Variants in SLC39A11 observed in about 807,000 individuals in gnomAD.
SLC39A11 encodes zinc transporter ZIP11.
A neutral mutation model predicts 36.1 loss-of-function variants in SLC39A11; 33 were observed. That is an observed-to-expected ratio of 0.91 (90% CI 0.69 to 1.22). The LOEUF is 1.22. Ranked by LOEUF, SLC39A11 falls within the 50% of genes most tolerant of loss-of-function variation. The pLI is 0.00. For synonymous variants in SLC39A11, 166 were observed against 170.3 expected, an observed-to-expected ratio of 0.97 and a Z score of 0.20; for missense variants, 432 against 430.3, an observed-to-expected ratio of 1.00 and a Z score of -0.03.
At chr17:72,929,093 C>A (rs2084228115) in intron 5 of SLC39A11, among the ~76,000 whole-genome samples, 1 of 152,108 alleles carries the variant, frequency 6.6e-6, no homozygotes, top group Non-Finnish European at 1.5e-5. Context: ...TCTACACAGA[C>A]CCAGCCTGGC....
chr17:72,657,431 A>G (rs1256884708), intron 7 of SLC39A11, among the ~76,000 whole-genome samples: 1 of 152,236 alleles, frequency 6.6e-6, no homozygotes, highest in African/African-American at 2.4e-5. Context: ...GCAGAGATGG[A>G]AGAGAGAATG....
At chr17:73,087,568 A>C (rs2060774827) in intron 2 of SLC39A11, among the ~76,000 whole-genome samples, 1 of 152,116 alleles carries the variant, frequency 6.6e-6, no homozygotes. Context: ...AAAAGAATGC[A>C]ATTTCAGGTA....
At position 72,959,323 on chromosome 17, in the gene SLC39A11, GTGTATATATATATATATATA is replaced by G. The variant is rs1349493037; in HGVS notation, c.307-11468_307-11449del. 5.3e-4 allele frequency among the ~76,000 whole-genome samples: 43 copies of G among 81,460 alleles called. 1 individual carries two copies. Among genetic ancestry groups the G allele is most frequent in the Admixed American group, 1.1e-3 (8 of 7,252 alleles). 53.4% of individuals were successfully genotyped at this position (81,460 alleles called of 152,430 possible). A position where few individuals can be genotyped will look rare whatever the true frequency, so the allele number is the denominator to read the frequency against. ...AACTGGTGTATGTATGTGTGTGTGT[GTGTATATATATATATATATA>G]TATATATATATATATATATATATGA... On this transcript the variant is annotated intron_variant, in intron 4 of 9. Transcript: ENST00000255559.
chr17:72,903,607 G>A (rs1008000428), intron 5 of SLC39A11, among the ~76,000 whole-genome samples: 5 of 152,232 alleles, frequency 3.3e-5, no homozygotes, highest in South Asian at 4.1e-4. Flanking sequence ...GTAATGAGCA[G>A]ACACAAAGTC....
chr17:72,751,121 G>A (rs569004900), intron 6 of SLC39A11, among the ~76,000 whole-genome samples: 5 of 152,230 alleles, frequency 3.3e-5, no homozygotes, highest in South Asian at 2.1e-4. Flanking sequence ...GGTGGTGGGC[G>A]CTTGTAATCC....
chr17:72,962,677 C>T (rs1456285743), intron 4 of SLC39A11, among the ~76,000 whole-genome samples: 1 of 152,102 alleles, frequency 6.6e-6, no homozygotes, highest in Admixed American at 6.6e-5. Flanking sequence ...GCTGGGACTA[C>T]AGGCACACGC....
intron 4 of SLC39A11, among the ~76,000 whole-genome samples, chr17:73,018,484 G>T (rs1196210251): frequency 6.6e-6 from 1 of 152,048 alleles, no homozygotes; most frequent in Non-Finnish European, 1.5e-5. Flanking sequence ...GGCAGCAGAG[G>T]TTGAAGTGAG....
chr17:72,918,745 AG>A (rs2083470473), intron 5 of SLC39A11, among the ~76,000 whole-genome samples: 1 of 152,184 alleles, frequency 6.6e-6, no homozygotes, highest in Non-Finnish European at 1.5e-5. Flanking sequence ...ACCCAAAGAA[AG>A]AAGGGCCCCC....
intron 6 of SLC39A11, among the ~76,000 whole-genome samples, chr17:72,849,121 G>A (rs2079180740): frequency 6.6e-6 from 1 of 152,182 alleles, no homozygotes; most frequent in Admixed American, 6.5e-5. Context: ...TTAAGTGGAA[G>A]TGAGTCATCA....
At chr17:73,035,476 C>A (rs148500488) in intron 3 of SLC39A11, among the ~76,000 whole-genome samples, 3 of 152,068 alleles carry the variant, frequency 2.0e-5, no homozygotes, top group Non-Finnish European at 2.9e-5. Context: ...GTAGAAAAGA[C>A]GACTGTATCC....
At chr17:73,085,566 C>G (rs1186064313) in intron 2 of SLC39A11, among the ~76,000 whole-genome samples, 1 of 144,386 alleles carries the variant, frequency 6.9e-6, no homozygotes, top group African/African-American at 2.6e-5. Context: ...CCCTTGAACT[C>G]GGGAGGCAGA....
chr17:72,740,298 C>T (rs1355080416), intron 6 of SLC39A11, among the ~76,000 whole-genome samples: 1 of 152,058 alleles, frequency 6.6e-6, no homozygotes, highest in Admixed American at 6.5e-5. Context: ...ATCTCCTGAC[C>T]TCGTGATCTG....
chr17:72,969,180 C>T (rs1287489914), intron 4 of SLC39A11, among the ~76,000 whole-genome samples: 1 of 152,118 alleles, frequency 6.6e-6, no homozygotes, highest in African/African-American at 2.4e-5. Context: ...AACATGATGG[C>T]CCAGGCCTAG....
intron 4 of SLC39A11, among the ~76,000 whole-genome samples, chr17:72,982,850 G>C (rs2088430776): frequency 6.6e-6 from 1 of 152,284 alleles, no homozygotes; most frequent in Admixed American, 6.5e-5. Context: ...TAAATAGTTG[G>C]ATTAATGAAC....
chr17:72,895,566 CA>C (rs1415654073), intron 5 of SLC39A11, among the ~76,000 whole-genome samples: 5 of 146,204 alleles, frequency 3.4e-5, no homozygotes, highest in Non-Finnish European at 7.5e-5. Context: ...GCAACAAGAG[CA>C]AAAACTCTGT....
chr17:72,720,156 G>A (rs369602584), intron 7 of SLC39A11, among the ~76,000 whole-genome samples: 4 of 152,270 alleles, frequency 2.6e-5, no homozygotes, highest in African/African-American at 9.6e-5. Flanking sequence ...GAGGACACAG[G>A]AGAGAGAAAA....
rs2567544 is a variant in SLC39A11 at position 72,758,530 on chromosome 17, A to T, written c.602-21811T>A. On this transcript the variant is annotated intron_variant, in intron 6 of 9. Coordinates refer to ENST00000255559, the MANE Select transcript of SLC39A11 (RefSeq NM_139177.4). ...AGTTCAGGCCAGTGATACCGCAGTT[A>T]AGGGTTTCCTGGAAAGTCTTTCCTT... Among the ~76,000 whole-genome samples, 12 of 152,150 alleles carry T rather than the reference A, an allele frequency of 7.9e-5. No individual in the cohort carries two copies. The South Asian group carries it at 2.5e-3, about 32-fold the overall frequency.
intron 6 of SLC39A11, among the ~76,000 whole-genome samples, chr17:72,824,635 C>A (rs545355423): frequency 6.6e-6 from 1 of 151,340 alleles, no homozygotes; most frequent in African/African-American, 2.4e-5. Flanking sequence ...GACCAAAATG[C>A]TGATAGTGAT....
At chr17:72,745,136 C>T (rs570858427) in intron 6 of SLC39A11, among the ~76,000 whole-genome samples, 2 of 152,378 alleles carry the variant, frequency 1.3e-5, no homozygotes, top group African/African-American at 4.8e-5. Flanking sequence ...GCCACTGCAC[C>T]TGGCCTCACA....
Sources: gnomAD v4.1 joint callset for allele counts (sites outside exome capture counted in the v4.1 genomes callset) on GRCh38, gnomAD v4.1.1 for gene constraint, MANE v1.5 for transcripts, NCBI Gene and HGNC (gene_info 2026-07-23, HGNC 2026-07-21) for gene names.